ELOVL6: variants seen among roughly 807,000 people sequenced by gnomAD.
ELOVL6 encodes ELOVL fatty acid elongase 6, also known as very long chain fatty acid elongase 6.
Under a neutral mutation model 31.7 loss-of-function variants are expected in ELOVL6, and 8 were observed. The observed-to-expected ratio is 0.25, with a 90% CI of 0.15 to 0.45. The LOEUF (loss-of-function observed/expected upper bound fraction) is 0.45, where lower values mean the gene tolerates loss of function less well. Ranked by LOEUF, ELOVL6 falls within the 20% of genes least tolerant of loss-of-function variation. ELOVL6 has a pLI of 1.00. For synonymous variants in ELOVL6, 101 were observed against 117.7 expected (o/e 0.86, Z 0.92); for missense variants, 126 against 326.4 (o/e 0.39, Z 4.73).
chr4:110,155,580 T>C (rs745895395), intron 1 of ELOVL6, among the ~76,000 whole-genome samples: 7 of 152,198 alleles, frequency 4.6e-5, no homozygotes, highest in East Asian at 1.9e-4. Flanking sequence ...TTATTTTTCC[T>C]CTAACACAAT....
rs1035861588 is a variant in ELOVL6 at position 110,051,096 on chromosome 4, G to C, written c.*242C>G. The C allele has an allele frequency of 1.9e-6, 1 of 517,002 alleles. No homozygotes were observed. Among genetic ancestry groups the C allele is most frequent in the Non-Finnish European group, 3.5e-6 (1 of 287,792 alleles). The allele number at this position is 517,002 out of a possible 1,614,324, so 32.0% of individuals were successfully genotyped here. A position where few individuals can be genotyped will look rare whatever the true frequency, so the allele number is the denominator to read the frequency against. ...GTCCTAGAGTTGATAGATAAAGAGG[G>C]AATGGGGTCTTCCAGCAGCAGTGCT... On this transcript the variant is annotated 3_prime_UTR_variant, in exon 4 of 4. Transcript: ENST00000302274. The surrounding 1 kb of genome is among the most constrained non-coding windows in gnomAD (Gnocchi z 4.8).
At chr4:110,098,175 A>C (rs1486587752) in intron 2 of ELOVL6, among the ~76,000 whole-genome samples, 2 of 151,950 alleles carry the variant, frequency 1.3e-5, no homozygotes, top group African/African-American at 2.4e-5. Context: ...CAAAATATAC[A>C]CACTTAACTG....
At chr4:110,120,788 T>TTTTC (rs1757326761) in intron 1 of ELOVL6, among the ~76,000 whole-genome samples, 1 of 148,052 alleles carries the variant, frequency 6.8e-6, no homozygotes, top group Admixed American at 7.0e-5. Flanking sequence ...TCTTTTCTTT[T>TTTTC]TTTTCTTTTC....
intron 2 of ELOVL6, among the ~76,000 whole-genome samples, chr4:110,076,994 C>T (rs1432129869): frequency 6.6e-6 from 1 of 152,186 alleles, no homozygotes; most frequent in Non-Finnish European, 1.5e-5. Context: ...ATTGCTAGCA[C>T]AGCAGTCTGA....
Position 110,157,684 on chromosome 4 carries a change from A to C in ELOVL6, c.89+40563T>G, listed in dbSNP as rs1023512640. Among the ~76,000 whole-genome samples the C allele has an allele frequency of 2.0e-5, 3 of 151,942 alleles. No individual in the cohort carries two copies. In the East Asian group the frequency reaches 5.8e-4, roughly 29 times the overall value. The stretch of plus-strand genomic sequence containing the variant: ...AGGCTCCGTCTCAAAAAAAAAAAAA[A>C]TTTCTTGGATATTTTATTTCCTTAA... On this transcript the variant is annotated intron_variant, in intron 1 of 3. Transcript: ENST00000302274.
chr4:110,193,609 T>C (rs1408609241), intron 1 of ELOVL6, among the ~76,000 whole-genome samples: 1 of 152,062 alleles, frequency 6.6e-6, no homozygotes, highest in Non-Finnish European at 1.5e-5. Context: ...GTCTCAAAAA[T>C]AAAACAAAAT....
chr4:110,047,380 G>C lies in ELOVL6; in HGVS notation c.*3958C>G, dbSNP rs1003319188. The C allele has an allele frequency of 6.6e-6, 1 of 150,466 alleles. No individual in the cohort carries two copies. The highest frequency in any genetic ancestry group is 6.6e-5 in the Admixed American group (1 of 15,118). 9.3% of individuals were successfully genotyped at this position (150,466 alleles called of 1,614,324 possible). On this transcript the variant is annotated 3_prime_UTR_variant, in exon 4 of 4. Transcript: ENST00000302274. ...CCTCAGAATATGCCCTAGCTGCCTC[G>C]GTTGTGTGACACACACCGTGGTCTC...
intron 2 of ELOVL6, among the ~76,000 whole-genome samples, chr4:110,080,350 C>T (rs1755799093): frequency 6.6e-6 from 1 of 152,196 alleles, no homozygotes; most frequent in South Asian, 2.1e-4. Context: ...CAATAAAATA[C>T]TGGCAAACCA....
At chr4:110,166,665 T>C (rs1012836066) in intron 1 of ELOVL6, among the ~76,000 whole-genome samples, 1 of 152,178 alleles carries the variant, frequency 6.6e-6, no homozygotes, top group Non-Finnish European at 1.5e-5. Context: ...CAGAAGGCAA[T>C]GAACACTGCC....
chr4:110,142,066 C>CTTTT (rs34800709), intron 1 of ELOVL6, among the ~76,000 whole-genome samples: 2 of 74,344 alleles, frequency 2.7e-5, no homozygotes, highest in South Asian at 4.5e-4. Context: ...CCCTTACTAA[C>CTTTT]TTTTTTTTTT....
chr4:110,095,807 G>GT (rs1560821270), intron 2 of ELOVL6, among the ~76,000 whole-genome samples: 3 of 151,982 alleles, frequency 2.0e-5, no homozygotes, highest in Non-Finnish European at 4.4e-5. Context: ...GTCCAGGGTG[G>GT]AACAGGTGTA....
Position 110,090,600 on chromosome 4 carries a change from C to CTTTTTTTTTT in ELOVL6, c.221+14887_221+14896dup, listed in dbSNP as rs544234717. Among the ~76,000 whole-genome samples the CTTTTTTTTTT allele has an allele frequency of 1.6e-3, 169 of 103,704 alleles. 19 individuals are homozygous for CTTTTTTTTTT. Among genetic ancestry groups the CTTTTTTTTTT allele is most frequent in the African/African-American group, 5.6e-3 (132 of 23,380 alleles). 68.0% of individuals were successfully genotyped at this position (103,704 alleles called of 152,430 possible). On this transcript the variant is annotated intron_variant, in intron 2 of 3. Transcript: ENST00000302274. Reference sequence around the variant, plus strand: ...GGAACTTACAGGAAAGTTTGACTTTCTTTTTTTTTTTTTTTTTTTTCATGA... The same window carrying CTTTTTTTTTT: ...GGAACTTACAGGAAAGTTTGACTTTCTTTTTTTTTTTTTTTTTTTTTTTTTTTTTTCATGA...
intron 1 of ELOVL6, among the ~76,000 whole-genome samples, chr4:110,170,474 T>C (rs1411271761): frequency 6.6e-6 from 1 of 152,260 alleles, no homozygotes; most frequent in Non-Finnish European, 1.5e-5. Flanking sequence ...CAAAGAGCAG[T>C]GAAAAAATTA....
chr4:110,084,414 C>T (rs114139712), intron 2 of ELOVL6, among the ~76,000 whole-genome samples: 8,130 of 22,220 alleles, frequency 0.37, 1,064 homozygotes, highest in East Asian at 0.57. Context: ...ATATGACATA[C>T]ATGATATATC....
intron 1 of ELOVL6, among the ~76,000 whole-genome samples, chr4:110,143,308 T>TA (rs996014056): frequency 5.9e-5 from 9 of 151,782 alleles, no homozygotes; most frequent in African/African-American, 1.7e-4. Flanking sequence ...TTTTTAACGG[T>TA]AAAAAAAATC....
intron 3 of ELOVL6, among the ~76,000 whole-genome samples, chr4:110,059,066 T>C (rs554597995): frequency 6.6e-6 from 1 of 152,344 alleles, no homozygotes; most frequent in South Asian, 2.1e-4. Context: ...TATTACTTTC[T>C]GGAAGGTAAA....
intron 1 of ELOVL6, among the ~76,000 whole-genome samples, chr4:110,132,302 T>C (rs1757690885): frequency 6.6e-6 from 1 of 152,034 alleles, no homozygotes; most frequent in African/African-American, 2.4e-5. Context: ...TAACTGCAGT[T>C]TTCCTCAAGA....
At chr4:110,176,729 CTT>C (rs1560858556) in intron 1 of ELOVL6, among the ~76,000 whole-genome samples, 2 of 152,154 alleles carry the variant, frequency 1.3e-5, no homozygotes, top group Non-Finnish European at 2.9e-5. Context: ...CGATCACTCT[CTT>C]TGTCATTCTT....
In ELOVL6 at chr4:110,167,652, GTTAT is replaced by G. The variant is rs1243168833; in HGVS notation, c.89+30591_89+30594del. On this transcript the variant is annotated intron_variant, in intron 1 of 3. Coordinates refer to ENST00000302274, the MANE Select transcript of ELOVL6 (RefSeq NM_024090.3). The stretch of plus-strand genomic sequence containing the variant: ...CTACAGGGTGCCTGCCACCACCTCA[GTTAT>G]GTATGTATGTATGTATGTATGTATG... Among the ~76,000 whole-genome samples, 163 of 144,484 alleles carry G rather than the reference GTTAT, an allele frequency of 1.1e-3. 3 individuals carry two copies. The highest frequency in any genetic ancestry group is 4.4e-4 in the Non-Finnish European group (29 of 66,272). 94.8% of individuals were successfully genotyped at this position (144,484 alleles called of 152,430 possible). A position where few individuals can be genotyped will look rare whatever the true frequency, so the allele number is the denominator to read the frequency against.
Sources: gnomAD v4.1 joint callset for allele counts (sites outside exome capture counted in the v4.1 genomes callset) on GRCh38, gnomAD v4.1.1 for gene constraint, Gnocchi (gnomAD v3.1) non-coding constraint, MANE v1.5 for transcripts, NCBI Gene and HGNC (gene_info 2026-07-23, HGNC 2026-07-21) for gene names.